The following PSRC1 variants were observed in gnomAD, a reference collection of about 807,000 sequenced individuals.
The protein encoded by PSRC1 is proline/serine-rich coiled-coil protein 1.
A neutral mutation model predicts 31.9 loss-of-function variants in PSRC1; 30 were observed. That is an observed-to-expected ratio of 0.94 (90% CI 0.70 to 1.28). PSRC1 has a LOEUF of 1.28. PSRC1 is among the 50% of genes most tolerant of loss of function. PSRC1 has a pLI of 0.00. For synonymous variants in PSRC1, 191 were observed against 192.1 expected, an observed-to-expected ratio of 0.99 and a Z score of 0.05; for missense variants, 481 against 472.8, an observed-to-expected ratio of 1.02 and a Z score of -0.16.
At position 109,280,384 on chromosome 1, in the gene PSRC1, G is replaced by C. The variant is rs1194154450; in HGVS notation, c.1088+12C>G. 1 of 1,595,328 alleles carries C rather than the reference G, an allele frequency of 6.3e-7. No individual in the cohort carries two copies. Among genetic ancestry groups the C allele is most frequent in the Admixed American group, 1.7e-5 (1 of 59,096 alleles). On this transcript the variant is annotated intron_variant, in intron 6 of 6. Transcript: ENST00000409138. ...TAGGGAGACAGGATGGGCAAGGGAG[G>C]ACCAGACTGACCTGGTAGGTCCTGG... is the stretch of plus-strand genomic sequence containing the variant.
chr1:109,282,809 C>A, intron 1 of PSRC1, 73 bp from the exon 2 acceptor site: 3 of 1,472,208 alleles, frequency 2.0e-6, no homozygotes, highest in Non-Finnish European at 2.8e-6. Context: ...GGGTGCAAGC[C>A]AGGGTCGGGG....
At chr1:109,282,638 T>C (rs1019744248) in intron 2 of PSRC1, 42 bp downstream of exon 2, 1 of 1,601,098 alleles carries the variant, frequency 6.2e-7, no homozygotes, top group Non-Finnish European at 8.5e-7. Flanking sequence ...CATCGCTGGG[T>C]CTCACTCCTC....
Position 109,280,244 on chromosome 1 carries a change from G to T in PSRC1, c.1089-88C>A, listed in dbSNP as rs191284765. 2,264 of 1,495,458 alleles carry T rather than the reference G, an allele frequency of 1.5e-3. 9 individuals carry two copies. The highest frequency in any genetic ancestry group is 9.8e-4 in the Non-Finnish European group (1,048 of 1,073,546). 92.6% of individuals were successfully genotyped at this position (1,495,458 alleles called of 1,614,324 possible). A position where few individuals can be genotyped will look rare whatever the true frequency, so the allele number is the denominator to read the frequency against. Reference sequence around the variant, plus strand: ...CAGCAGAATTCAAGCTCCTCAGGGTGGGAAGAAATGGGATCCCCCTTCCCC... The same window carrying T: ...CAGCAGAATTCAAGCTCCTCAGGGTTGGAAGAAATGGGATCCCCCTTCCCC... On this transcript the variant is annotated intron_variant, in intron 6 of 6. Coordinates refer to ENST00000409138, the Ensembl canonical transcript of PSRC1.
chr1:109,282,465 C>T, intron 3 of PSRC1, 53 bp downstream of exon 3: 2 of 1,533,692 alleles, frequency 1.3e-6, no homozygotes, highest in Non-Finnish European at 1.8e-6. Flanking sequence ...GTAAGGGATT[C>T]GAGACAAAGA....
intron 2 of PSRC1, 34 bp from the exon 3 acceptor site, chr1:109,282,609 G>A: frequency 6.2e-7 from 1 of 1,611,212 alleles, no homozygotes; most frequent in South Asian, 1.1e-5. Flanking sequence ...GCCAGTCATG[G>A]GTCCCTGATG....
At chr1:109,281,650 G>A in exon 4 of PSRC1, 10 of 1,613,668 alleles carry the variant, frequency 6.2e-6, no homozygotes, top group Non-Finnish European at 8.5e-6. Context: ...CTTTCCAGAT[G>A]TAGCCCGGAG....
chr1:109,282,241 G>C, intron 3 of PSRC1, 181 bp from the exon 4 acceptor site: 1 of 632,662 alleles, frequency 1.6e-6, no homozygotes, highest in Non-Finnish European at 2.7e-6. Flanking sequence ...GGGCCTAATA[G>C]GCCTTTAGCA....
intron 3 of PSRC1, 42 bp downstream of exon 3, chr1:109,282,476 G>C: frequency 6.4e-7 from 1 of 1,570,178 alleles, no homozygotes; most frequent in Non-Finnish European, 8.8e-7. Context: ...GAGACAAAGA[G>C]GTACTGTTAG....
intron 1 of PSRC1, 80 bp from the exon 2 acceptor site, chr1:109,282,816 G>T (rs1570826377): frequency 7.1e-7 from 1 of 1,414,918 alleles, no homozygotes. Context: ...AGCCAGGGTC[G>T]GGGGTCATGC....
At chr1:109,281,587 G>A in intron 4 of PSRC1, 32 bp downstream of exon 4, 1 of 1,564,692 alleles carries the variant, frequency 6.4e-7, no homozygotes, top group Non-Finnish European at 8.8e-7. Context: ...CCATGTCTGG[G>A]GCACACCTCC....
intron 2 of PSRC1, 36 bp downstream of exon 2, chr1:109,282,644 T>A: frequency 6.3e-7 from 1 of 1,594,100 alleles, no homozygotes; most frequent in Non-Finnish European, 8.6e-7. Flanking sequence ...TGGGTCTCAC[T>A]CCTCCCTTTC....
intron 6 of PSRC1, 73 bp downstream of exon 7, chr1:109,280,323 G>A: frequency 6.9e-7 from 1 of 1,445,908 alleles, no homozygotes; most frequent in Admixed American, 1.7e-5. Flanking sequence ...CAGGGCTGAT[G>A]TGCATAACAG....
chr1:109,282,379 C>A, intron 3 of PSRC1, 139 bp downstream of exon 3: 2 of 743,142 alleles, frequency 2.7e-6, no homozygotes, highest in Non-Finnish European at 4.6e-6. Flanking sequence ...CATAGAGGCC[C>A]GAGTCAGCCA....
chr1:109,282,605 C>A lies in PSRC1; in HGVS notation c.20-30G>T, dbSNP rs947060626. On this transcript the variant is annotated intron_variant, in intron 2 of 6. Coordinates refer to ENST00000409138, the Ensembl canonical transcript of PSRC1. ...AGGGGAAAGAAGAATGAAAGCCAGT[C>A]ATGGGTCCCTGATGCAGCTCTCCAT... is the stretch of plus-strand genomic sequence containing the variant. The A allele has an allele frequency of 8.7e-6, 14 of 1,612,452 alleles. No homozygotes were observed. The African/African-American group carries it at 1.9e-4, about 22-fold the overall frequency.
At chr1:109,281,327 TAG>T in intron 4 of PSRC1, 76 bp from the exon 5 acceptor site, 1 of 1,296,832 alleles carries the variant, frequency 7.7e-7, no homozygotes, top group Non-Finnish European at 1.0e-6. Flanking sequence ...AATTAAGAAA[TAG>T]AGGTGGAGAG....
Position 109,282,678 on chromosome 1 carries a change from ACCTTC to A in PSRC1, c.16_19+1del. On this transcript the variant is annotated splice_donor_variant and coding_sequence_variant, in exon 2 of 7. Transcript: ENST00000409138. LOFTEE classifies it high-confidence loss of function. Reference sequence around the variant, plus strand: ...TCATTCTTCCCTCCCTCCTTTCCTTACCTTCCTCCAAATCCTCCATGTCCAGCCAG... The same window carrying A: ...TCATTCTTCCCTCCCTCCTTTCCTTACTCCAAATCCTCCATGTCCAGCCAG... 1 of 1,558,632 alleles carries A rather than the reference ACCTTC, an allele frequency of 6.4e-7. No homozygotes were observed. The highest frequency in any genetic ancestry group is 1.2e-5 in the South Asian group (1 of 84,496).
At chr1:109,280,560 A>T in intron 5 of PSRC1, 71 bp from the exon 7 acceptor site, 2 of 1,308,874 alleles carry the variant, frequency 1.5e-6, no homozygotes, top group South Asian at 2.7e-5. Context: ...ATACTGGATG[A>T]AGGGAGCGAG....
At chr1:109,281,018 C>A in exon 5 of PSRC1, 1 of 1,609,960 alleles carries the variant, frequency 6.2e-7, no homozygotes, top group Non-Finnish European at 8.5e-7. Context: ...GCTGTGGGGC[C>A]AGGACGGATC....
At chr1:109,281,374 G>A in intron 4 of PSRC1, 123 bp from the exon 5 acceptor site, 1 of 875,500 alleles carries the variant, frequency 1.1e-6, no homozygotes, top group African/African-American at 1.7e-5. Context: ...GTAGAAGTTA[G>A]CTGCTAACAT....
Sources: allele counts gnomAD v4.1 joint callset, GRCh38; gene constraint gnomAD v4.1.1; transcripts MANE v1.5; gene names NCBI Gene and HGNC (gene_info 2026-07-23, HGNC 2026-07-21).